Variants in EFCAB5 observed in about 807,000 individuals in gnomAD.
EFCAB5 encodes EF-hand calcium-binding domain-containing protein 5.
Under a neutral mutation model 167.9 loss-of-function variants are expected in EFCAB5, and 131 were observed. The observed-to-expected ratio is 0.78, with a 90% CI of 0.68 to 0.90. The LOEUF is 0.90. EFCAB5 is among the 40% of genes least tolerant of loss of function. EFCAB5 has a pLI of 0.00. For missense variants in EFCAB5, 1,663 were observed against 1,745.2 expected (o/e 0.95, Z 0.84); for synonymous variants, 574 against 602.8 (o/e 0.95, Z 0.70).
chr17:30,083,382 C>T (rs2071027537), intron 18 of EFCAB5, among the ~76,000 whole-genome samples: 1 of 152,200 alleles, frequency 6.6e-6, no homozygotes, highest in South Asian at 2.1e-4. Context: ...TTTTGTTCTT[C>T]CAGCTAAAGA....
intron 14 of EFCAB5, among the ~76,000 whole-genome samples, chr17:30,064,320 C>A (rs952098751): frequency 1.6e-4 from 24 of 151,940 alleles, no homozygotes; most frequent in African/African-American, 5.8e-4. Flanking sequence ...GGATAGAAAT[C>A]ATAAAAAAGA....
At chr17:30,033,759 A>G (rs1480407168) in intron 7 of EFCAB5, among the ~76,000 whole-genome samples, 1 of 152,228 alleles carries the variant, frequency 6.6e-6, no homozygotes, top group African/African-American at 2.4e-5. Flanking sequence ...AGGATATCTT[A>G]TTGCAATATC....
intron 4 of EFCAB5, among the ~76,000 whole-genome samples, chr17:29,985,926 G>C (rs2151618502): frequency 6.6e-6 from 1 of 152,300 alleles, no homozygotes; most frequent in East Asian, 1.9e-4. Context: ...GACGATAAAA[G>C]CAAAGGCGGC....
intron 22 of EFCAB5, among the ~76,000 whole-genome samples, chr17:30,105,076 C>G (rs12450741): frequency 6.6e-6 from 1 of 152,064 alleles, no homozygotes; most frequent in Non-Finnish European, 1.5e-5. Context: ...TGTTTTGTCT[C>G]CGAAAATAAG....
intron 4 of EFCAB5, among the ~76,000 whole-genome samples, chr17:29,991,132 C>G (rs1050389013): frequency 6.6e-6 from 1 of 152,182 alleles, no homozygotes; most frequent in Non-Finnish European, 1.5e-5. Flanking sequence ...TCCGAGCTCC[C>G]CTTCTTACTC....
intron 8 of EFCAB5, among the ~76,000 whole-genome samples, chr17:30,041,183 A>AAAGG (rs1188198032): frequency 2.9e-5 from 4 of 139,624 alleles, no homozygotes; most frequent in African/African-American, 5.7e-5. Context: ...AGATCGAAAG[A>AAAGG]AAGGAAGGAA....
chr17:29,964,133 T>C (rs1031366412), intron 3 of EFCAB5, among the ~76,000 whole-genome samples: 4 of 152,136 alleles, frequency 2.6e-5, no homozygotes, highest in African/African-American at 9.7e-5. Context: ...CCTTTTTTTT[T>C]CAGGTATTTC....
At chr17:29,985,465 G>C (rs2068261481) in intron 4 of EFCAB5, among the ~76,000 whole-genome samples, 1 of 152,164 alleles carries the variant, frequency 6.6e-6, no homozygotes, top group African/African-American at 2.4e-5. Context: ...CACACACACA[G>C]AAATAAAGTG....
chr17:29,969,510 C>A, intron 4 of EFCAB5, 143 bp downstream of exon 4: 1 of 737,762 alleles, frequency 1.4e-6, no homozygotes, highest in Non-Finnish European at 2.1e-6. Context: ...CTAGTATGTG[C>A]TTCACTCTTT....
chr17:30,023,032 T>C (rs370987875), intron 7 of EFCAB5, among the ~76,000 whole-genome samples: 2,579 of 150,194 alleles, frequency 0.017, 74 homozygotes, highest in African/African-American at 0.059. Flanking sequence ...TTCAAAGCAG[T>C]GTGTAGAGGG....
chr17:30,079,502 T>C (rs2070939562), intron 15 of EFCAB5, among the ~76,000 whole-genome samples: 1 of 152,218 alleles, frequency 6.6e-6, no homozygotes, highest in Non-Finnish European at 1.5e-5. Flanking sequence ...ATAATAATAA[T>C]ATTTAAGGTA....
chr17:30,060,915 T>G (rs1249174999), intron 14 of EFCAB5, among the ~76,000 whole-genome samples: 1 of 152,238 alleles, frequency 6.6e-6, no homozygotes, highest in Non-Finnish European at 1.5e-5. Context: ...GTTCCTTAAC[T>G]TCCATAGACC....
In EFCAB5 at chr17:30,059,328, G is replaced by A. The variant is rs543917815; in HGVS notation, c.2581-217G>A. The stretch of plus-strand genomic sequence containing the variant: ...TTGCTCAGGCTGGTCTCCAACTCCC[G>A]GCCTCAAGCGATACTCCTGCCTCAG... On this transcript the variant is annotated intron_variant, in intron 13 of 22. Transcript: ENST00000394835. 13 of 359,178 alleles carry A rather than the reference G, an allele frequency of 3.6e-5. No homozygotes were observed. In the South Asian group the frequency reaches 6.1e-4, roughly 17 times the overall value. 22.2% of individuals were successfully genotyped at this position (359,178 alleles called of 1,614,324 possible). A position where few individuals can be genotyped will look rare whatever the true frequency, so the allele number is the denominator to read the frequency against.
intron 7 of EFCAB5, among the ~76,000 whole-genome samples, chr17:30,029,869 G>T (rs1351316383): frequency 6.6e-6 from 1 of 152,076 alleles, no homozygotes; most frequent in Admixed American, 6.6e-5. Flanking sequence ...CAGAGCTATA[G>T]AATCTTATAA....
intron 4 of EFCAB5, among the ~76,000 whole-genome samples, chr17:29,981,491 T>G (rs2068174239): frequency 6.6e-6 from 1 of 152,208 alleles, no homozygotes; most frequent in African/African-American, 2.4e-5. Flanking sequence ...TTCCCTTATG[T>G]GCTCTCATAG....
rs776700946 is a variant in EFCAB5, at chr17:30,090,625, T to C, written c.3888T>C (p.Tyr1296=). 1.9e-6 allele frequency: 3 copies of C among 1,613,902 alleles called. No homozygotes were observed. Among genetic ancestry groups the C allele is most frequent in the Middle Eastern group, 1.6e-4 (1 of 6,062 alleles). The change falls in exon 20 of 23, where the codon TAT becomes TAC. Residue 1296 remains tyrosine (Y), a synonymous_variant. Transcript: ENST00000394835. The part of the protein sequence containing the change: ...KMMKVVQVAC[Y]EILGEFSGEI... ...TGAAAGTGGTCCAAGTGGCCTGCTA[T>C]GAAATACTTGGCGAGTTCTCTGGAG...
At chr17:29,937,994 G>T (rs1317212342), upstream of EFCAB5, among the ~76,000 whole-genome samples, 4 of 152,332 alleles carry the variant, frequency 2.6e-5, no homozygotes, top group African/African-American at 9.6e-5. Flanking sequence ...AGATTTTTCA[G>T]TATATACTAG....
intron 1 of EFCAB5, among the ~76,000 whole-genome samples, chr17:29,935,945 T>C (rs1597546352): frequency 6.6e-6 from 1 of 151,900 alleles, no homozygotes; most frequent in Non-Finnish European, 1.5e-5. Flanking sequence ...TGCCTTAGAG[T>C]AATGAAAATT....
At chr17:30,025,913 G>A (rs865907427) in intron 7 of EFCAB5, among the ~76,000 whole-genome samples, 14 of 151,796 alleles carry the variant, frequency 9.2e-5, no homozygotes, top group South Asian at 2.1e-4. Context: ...GTAAACTATC[G>A]CAAGGACAAA....
Sources: allele counts gnomAD v4.1 joint callset (sites outside exome capture counted in the v4.1 genomes callset), GRCh38; gene constraint gnomAD v4.1.1; transcripts MANE v1.5; gene names NCBI Gene and HGNC (gene_info 2026-07-23, HGNC 2026-07-21).